Variants in VPS35L observed in about 807,000 individuals in gnomAD.
VPS35L encodes the protein VPS35 endosomal protein sorting factor like, also known as VPS35 endosomal protein-sorting factor-like.
VPS35L carries 83 observed loss-of-function variants against 133.0 expected under a neutral mutation model. The ratio of observed to expected loss-of-function variants is 0.62; its 90% CI spans 0.52 to 0.75. The LOEUF (loss-of-function observed/expected upper bound fraction) is 0.75. Ranked by LOEUF, VPS35L falls within the 30% of genes least tolerant of loss-of-function variation. VPS35L has a pLI of 0.00. For missense variants in VPS35L, 1,083 were observed against 1,206.8 expected (o/e 0.90, Z 1.52); for synonymous variants, 423 against 449.9 (o/e 0.94, Z 0.76).
At chr16:19,683,862 TTGAGAAATCTCC>T (rs1354041768) in intron 28 of VPS35L, among the ~76,000 whole-genome samples, 5 of 152,234 alleles carry the variant, frequency 3.3e-5, no homozygotes, top group Admixed American at 3.3e-4. Context: ...TTTCAATTCT[TTGAGAAATCTCC>T]AAAACTGCTT....
chr16:19,692,654 C>G (rs2151627464), intron 29 of VPS35L, among the ~76,000 whole-genome samples: 1 of 152,272 alleles, frequency 6.6e-6, no homozygotes, highest in East Asian at 1.9e-4. Flanking sequence ...ACCTCCACCT[C>G]CCAGGTTCAA....
chr16:19,692,017 G>C (rs945434925), intron 29 of VPS35L, among the ~76,000 whole-genome samples: 5 of 152,096 alleles, frequency 3.3e-5, no homozygotes, highest in Non-Finnish European at 7.3e-5. Flanking sequence ...TGGGATTACA[G>C]GTGCCCGCCA....
At chr16:19,688,997 C>A (rs964308309) in intron 28 of VPS35L, among the ~76,000 whole-genome samples, 3 of 151,822 alleles carry the variant, frequency 2.0e-5, no homozygotes, top group African/African-American at 7.3e-5. Flanking sequence ...GACAACAAAG[C>A]AACAGAGCTG....
At chr16:19,575,993 TAAAAAAA>T (rs768432545) in intron 5 of VPS35L, among the ~76,000 whole-genome samples, 4 of 82,950 alleles carry the variant, frequency 4.8e-5, no homozygotes, top group Non-Finnish European at 7.2e-5. Context: ...CCATCTCTAC[TAAAAAAA>T]AAAAAAAAAA....
At chr16:19,652,184 T>A in intron 26 of VPS35L, 94 bp downstream of exon 26, 2 of 938,080 alleles carry the variant, frequency 2.1e-6, no homozygotes, top group South Asian at 2.9e-5. Context: ...AGACAAAGAT[T>A]TCTTTTTTTA....
rs1430319444 is a variant in VPS35L at position 19,700,601 on chromosome 16, T to C, written c.*125T>C. The C allele has an allele frequency of 2.5e-6, 2 of 794,970 alleles. No individual in the cohort carries two copies. The highest frequency in any genetic ancestry group is 2.6e-5 in the East Asian group (1 of 37,960). The allele number at this position is 794,970 out of a possible 1,614,324, so 49.2% of individuals were successfully genotyped here. The stretch of plus-strand genomic sequence containing the variant: ...TCTTTTCTTTTTACATATGTACAAA[T>C]TGTTTTAAGCTTTGGCCTCTATCCA... On this transcript the variant is annotated 3_prime_UTR_variant, in exon 31 of 31. Transcript: ENST00000417362.
intron 23 of VPS35L, among the ~76,000 whole-genome samples, chr16:19,646,538 G>T (rs531073206): frequency 2.0e-5 from 3 of 152,046 alleles, no homozygotes; most frequent in Non-Finnish European, 4.4e-5. Context: ...TGTGGTGCAT[G>T]CCTGTAATCC....
intron 29 of VPS35L, among the ~76,000 whole-genome samples, chr16:19,695,619 G>C (rs1237444766): frequency 6.6e-6 from 1 of 152,048 alleles, no homozygotes; most frequent in Non-Finnish European, 1.5e-5. Context: ...TTTGAGACCA[G>C]CCTGGGGAAC....
intron 8 of VPS35L, among the ~76,000 whole-genome samples, chr16:19,598,797 A>T (rs1307728362): frequency 6.6e-6 from 1 of 151,228 alleles, no homozygotes; most frequent in Admixed American, 6.6e-5. Flanking sequence ...AAAAAAAAAA[A>T]GTGAAAAAGA....
intron 13 of VPS35L, among the ~76,000 whole-genome samples, chr16:19,616,420 G>C (rs573071381): frequency 1.5e-3 from 226 of 152,240 alleles, no homozygotes; most frequent in African/African-American, 5.2e-3. Context: ...CAGTCGATCA[G>C]CCTTGCTTCT....
intron 24 of VPS35L, among the ~76,000 whole-genome samples, chr16:19,649,166 T>A (rs1974048148): frequency 6.6e-6 from 1 of 151,846 alleles, no homozygotes; most frequent in Non-Finnish European, 1.5e-5. Flanking sequence ...TTCTTTGTAT[T>A]TTTTAGTAGA....
At chr16:19,679,406 G>A (rs1193993906) in intron 27 of VPS35L, among the ~76,000 whole-genome samples, 3 of 137,940 alleles carry the variant, frequency 2.2e-5, no homozygotes, top group South Asian at 2.4e-4. Flanking sequence ...ACCACCACAC[G>A]TGGCTAATTT....
chr16:19,570,976 C>T (rs1275164825), intron 3 of VPS35L, among the ~76,000 whole-genome samples: 16 of 150,150 alleles, frequency 1.1e-4, no homozygotes, highest in Admixed American at 6.7e-5. Context: ...CAGGTTCAAG[C>T]GATTCTCCTG....
chr16:19,623,840 G>A (rs1324779183), intron 14 of VPS35L, among the ~76,000 whole-genome samples: 1 of 144,846 alleles, frequency 6.9e-6, no homozygotes, highest in Non-Finnish European at 1.5e-5. Context: ...GTCTTGCTCT[G>A]TTGCCCAGGC....
At chr16:19,601,180 C>A (rs930428570) in intron 8 of VPS35L, among the ~76,000 whole-genome samples, 1 of 152,218 alleles carries the variant, frequency 6.6e-6, no homozygotes, top group Non-Finnish European at 1.5e-5. Flanking sequence ...CTTCCTGCCT[C>A]GGCTTCCCAA....
At chr16:19,662,465 C>T (rs1473869456) in intron 26 of VPS35L, among the ~76,000 whole-genome samples, 1 of 152,218 alleles carries the variant, frequency 6.6e-6, no homozygotes, top group Non-Finnish European at 1.5e-5. Context: ...GCTCTGCTGC[C>T]TGACTACAGC....
intron 8 of VPS35L, 95 bp from the exon 9 acceptor site, chr16:19,601,569 G>A: frequency 1.6e-6 from 2 of 1,241,596 alleles, no homozygotes; most frequent in Non-Finnish European, 1.1e-6. Flanking sequence ...GCCTGTCTGG[G>A]CGATGATAGC....
At chr16:19,692,123 A>G (rs187721876) in intron 29 of VPS35L, among the ~76,000 whole-genome samples, 1 of 151,738 alleles carries the variant, frequency 6.6e-6, no homozygotes, top group Admixed American at 6.6e-5. Flanking sequence ...TGATCCGCCT[A>G]CCTCGGCCTC....
chr16:19,556,278 A>T (rs1403498742), intron 1 of VPS35L, among the ~76,000 whole-genome samples: 1 of 152,158 alleles, frequency 6.6e-6, no homozygotes, highest in Non-Finnish European at 1.5e-5. Context: ...CGCACAGTAG[A>T]GGGATGTCTA....
Sources: gnomAD v4.1 joint callset for allele counts (sites outside exome capture counted in the v4.1 genomes callset) on GRCh38, gnomAD v4.1.1 for gene constraint, MANE v1.5 for transcripts, NCBI Gene and HGNC (gene_info 2026-07-23, HGNC 2026-07-21) for gene names.